The following MYO5C variants were observed in gnomAD, a reference collection of about 807,000 sequenced individuals.
MYO5C encodes the protein myosin VC.
In MYO5C, 194 loss-of-function variants were observed where a neutral mutation model predicts 235.7. The observed-to-expected ratio is 0.82, with a 90% CI of 0.73 to 0.93. The LOEUF (loss-of-function observed/expected upper bound fraction) is 0.93. Among genes scored for constraint, MYO5C ranks in the 40% least tolerant of loss-of-function variants. The pLI is 0.00. For synonymous variants in MYO5C, 707 were observed against 754.8 expected (o/e 0.94, Z 1.04); for missense variants, 2,038 against 2,127.2 (o/e 0.96, Z 0.82).
intron 11 of MYO5C, among the ~76,000 whole-genome samples, chr15:52,254,613 C>G (rs2036543771): frequency 6.6e-6 from 1 of 150,890 alleles, no homozygotes; most frequent in Non-Finnish European, 1.5e-5. Flanking sequence ...CTGGGAGGAT[C>G]TACACATTGA....
chr15:52,224,725 T>G (rs1302960911), intron 28 of MYO5C, among the ~76,000 whole-genome samples, 176 bp downstream of exon 28: 2 of 152,236 alleles, frequency 1.3e-5, no homozygotes, highest in African/African-American at 2.4e-5. Context: ...ACAAAGAGAT[T>G]GCTCTTCATG....
intron 20 of MYO5C, among the ~76,000 whole-genome samples, chr15:52,240,548 G>GAAAAAAAAAAA (rs1566975277): frequency 1.3e-4 from 17 of 130,524 alleles, no homozygotes; most frequent in East Asian, 2.2e-4. Flanking sequence ...TACAAAAAAA[G>GAAAAAAAAAAA]AAAAAGAAGA....
At chr15:52,275,882 C>A (rs72623977) in intron 4 of MYO5C, among the ~76,000 whole-genome samples, 164 bp from the exon 5 acceptor site, 1 of 151,978 alleles carries the variant, frequency 6.6e-6, no homozygotes. Context: ...TCTATGTGAT[C>A]GTGCAGAACA....
chr15:52,196,237 C>T (rs2035049409), intron 39 of MYO5C, 72 bp downstream of exon 39: 2 of 1,453,256 alleles, frequency 1.4e-6, no homozygotes, highest in Non-Finnish European at 1.8e-6. Context: ...GCTGGCTAAA[C>T]CAAGAAAGGC....
intron 6 of MYO5C, among the ~76,000 whole-genome samples, chr15:52,272,316 G>A (rs1165057987): frequency 1.3e-5 from 2 of 152,148 alleles, no homozygotes; most frequent in East Asian, 3.8e-4. Context: ...AGAGATACTT[G>A]CTTTTTAAAC....
chr15:52,244,818 G>A (rs1462337590), intron 18 of MYO5C, among the ~76,000 whole-genome samples: 4 of 152,170 alleles, frequency 2.6e-5, no homozygotes, highest in East Asian at 1.9e-4. Flanking sequence ...TGTCATTTGC[G>A]GCGATTCTCA....
intron 23 of MYO5C, 47 bp from the exon 24 acceptor site, chr15:52,232,732 C>T (rs770192465): frequency 8.8e-6 from 13 of 1,477,990 alleles, no homozygotes; most frequent in Non-Finnish European, 1.2e-5. Flanking sequence ...AAATCAATGC[C>T]TTGATTGTTT....
intron 1 of MYO5C, among the ~76,000 whole-genome samples, chr15:52,290,395 T>TA (rs200340658): frequency 2.9e-4 from 44 of 150,284 alleles, no homozygotes; most frequent in Non-Finnish European, 3.6e-4. Flanking sequence ...TTAGCCAAAT[T>TA]AAAAAAAAAA....
intron 20 of MYO5C, among the ~76,000 whole-genome samples, chr15:52,241,221 TAC>T (rs1157497573): frequency 2.6e-5 from 4 of 151,264 alleles, no homozygotes; most frequent in African/African-American, 9.7e-5. Flanking sequence ...GAGAGCTCTC[TAC>T]AGTCTGTGGG....
At chr15:52,271,457 G>A (rs1458313664) in intron 7 of MYO5C, among the ~76,000 whole-genome samples, 1 of 152,100 alleles carries the variant, frequency 6.6e-6, no homozygotes, top group Non-Finnish European at 1.5e-5. Flanking sequence ...TCTAACTCCT[G>A]ACCTCAGGTG....
In MYO5C at chr15:52,239,140, G is replaced by A. The variant is rs150177025; in HGVS notation, c.2703+593C>T. ...CTAATTTTGTATTTTTAGTAGAGAC[G>A]GGATTTCGCAATGTTGGTCACGCTG... On this transcript the variant is annotated intron_variant, in intron 21 of 40. Transcript: ENST00000261839. Among the ~76,000 whole-genome samples, 491 of 151,816 alleles carry A rather than the reference G, an allele frequency of 3.2e-3. 2 individuals are homozygous for A. The highest frequency in any genetic ancestry group is 0.011 in the African/African-American group (467 of 41,386).
chr15:52,290,736 A>C (rs2037371117), intron 1 of MYO5C, among the ~76,000 whole-genome samples: 2 of 152,232 alleles, frequency 1.3e-5, no homozygotes, highest in African/African-American at 4.8e-5. Context: ...CACATGTATC[A>C]AACAAGCAGA....
intron 4 of MYO5C, chr15:52,277,840 C>G (rs2037084990): frequency 4.4e-6 from 2 of 455,210 alleles, no homozygotes; most frequent in African/African-American, 4.0e-5. Flanking sequence ...AGCACGTGTT[C>G]TACCTCATGT....
intron 20 of MYO5C, among the ~76,000 whole-genome samples, chr15:52,240,751 A>C (rs2036201110): frequency 6.6e-6 from 1 of 151,916 alleles, no homozygotes; most frequent in African/African-American, 2.4e-5. Context: ...TAAATAAATA[A>C]AATGTTTTAA....
In MYO5C at chr15:52,267,578, C is replaced by T. The variant is rs539010995; in HGVS notation, c.940+2175G>A. On this transcript the variant is annotated intron_variant, in intron 8 of 40. Transcript: ENST00000261839. ...GCATGTGCCTGTAATCCCAGCTGCT[C>T]GGGAGGCTGAGGCAGGAGAATTGCT... Among the ~76,000 whole-genome samples the T allele has an allele frequency of 5.3e-5, 8 of 152,072 alleles. No individual in the cohort carries two copies. In the East Asian group the frequency reaches 5.8e-4, roughly 11 times the overall value.
At chr15:52,207,087 C>T (rs986707678) in intron 36 of MYO5C, among the ~76,000 whole-genome samples, 19 of 151,140 alleles carry the variant, frequency 1.3e-4, no homozygotes, top group African/African-American at 4.1e-4. Context: ...GAGCCAAGAT[C>T]GTGCCACTGT....
chr15:52,218,382 G>A, intron 32 of MYO5C, 137 bp downstream of exon 32: 1 of 891,288 alleles, frequency 1.1e-6, no homozygotes. Context: ...CTGTCTTTTG[G>A]GATAAGAAAA....
rs2036176783 is a variant in MYO5C at position 52,239,996 on chromosome 15, C to T, written c.2557-117G>A. On this transcript the variant is annotated intron_variant, in intron 20 of 40. Coordinates refer to ENST00000261839, the MANE Select transcript of MYO5C (RefSeq NM_018728.4). ...TAGAAAATGAGTTTCTTCTTGTCAACCTGCACAGCCGTATTACAGCTAGAC... is the reference window on the plus strand; with the variant it reads ...TAGAAAATGAGTTTCTTCTTGTCAATCTGCACAGCCGTATTACAGCTAGAC... 4 of 1,059,268 alleles carry T rather than the reference C, an allele frequency of 3.8e-6. No homozygotes were observed. In the South Asian group the frequency reaches 6.7e-5, roughly 18 times the overall value. The allele number at this position is 1,059,268 out of a possible 1,614,324, so 65.6% of individuals were successfully genotyped here.
chr15:52,275,054 GTC>G (rs1159537714), intron 5 of MYO5C, among the ~76,000 whole-genome samples: 2 of 152,290 alleles, frequency 1.3e-5, no homozygotes, highest in East Asian at 3.9e-4. Context: ...CCCACTCTCT[GTC>G]CCAGTCAGTA....
Sources: gnomAD v4.1 joint callset for allele counts (sites outside exome capture counted in the v4.1 genomes callset) on GRCh38, gnomAD v4.1.1 for gene constraint, MANE v1.5 for transcripts, NCBI Gene and HGNC (gene_info 2026-07-23, HGNC 2026-07-21) for gene names.